GBE1: variants seen among roughly 807,000 people sequenced by gnomAD.
GBE1 encodes the protein 1,4-alpha-glucan branching enzyme 1.
A neutral mutation model predicts 88.8 loss-of-function variants in GBE1; 70 were observed. That is an observed-to-expected ratio of 0.79 (90% CI 0.65 to 0.96). The LOEUF is 0.96. Ranked by LOEUF, GBE1 falls within the 40% of genes least tolerant of loss-of-function variation. GBE1 has a pLI of 0.00. For synonymous variants in GBE1, 284 were observed against 300.1 expected, an observed-to-expected ratio of 0.95 and a Z score of 0.56; for missense variants, 872 against 871.0, an observed-to-expected ratio of 1.00 and a Z score of -0.01.
intron 1 of GBE1, among the ~76,000 whole-genome samples, chr3:81,757,233 C>T (rs113785875): frequency 2.0e-4 from 31 of 152,248 alleles, no homozygotes; most frequent in African/African-American, 6.5e-4. Context: ...TTATGGCCCT[C>T]TGGTTAGATG....
intron 2 of GBE1, among the ~76,000 whole-genome samples, chr3:81,690,213 A>T (rs1705500173): frequency 6.6e-6 from 1 of 152,192 alleles, no homozygotes; most frequent in South Asian, 2.1e-4. Context: ...AAGTGGACTT[A>T]AGTTCTCTGA....
intron 12 of GBE1, among the ~76,000 whole-genome samples, chr3:81,554,071 T>C (rs1419349207): frequency 6.6e-6 from 1 of 152,214 alleles, no homozygotes; most frequent in Non-Finnish European, 1.5e-5. Flanking sequence ...CAAATTTTCA[T>C]AGCAACAGTA....
intron 1 of GBE1, among the ~76,000 whole-genome samples, chr3:81,727,326 C>T (rs186306466): frequency 1.3e-5 from 2 of 152,208 alleles, no homozygotes; most frequent in Non-Finnish European, 1.5e-5. Context: ...ACTAATCTAC[C>T]ATGAGAAAGG....
intron 14 of GBE1, among the ~76,000 whole-genome samples, chr3:81,524,104 A>T (rs1039177628): frequency 2.0e-5 from 3 of 151,838 alleles, no homozygotes; most frequent in Non-Finnish European, 4.4e-5. Flanking sequence ...GTACTGATTG[A>T]CAACCCCACC....
intron 7 of GBE1, among the ~76,000 whole-genome samples, chr3:81,628,777 A>ATATATATATATATG (rs1553687067): frequency 7.5e-6 from 1 of 133,712 alleles, no homozygotes; most frequent in Admixed American, 8.1e-5. Context: ...ATATATATAT[A>ATATATATATATATG]TATATAGCAA....
intron 4 of GBE1, among the ~76,000 whole-genome samples, chr3:81,649,307 T>C (rs1704811937): frequency 6.6e-6 from 1 of 152,050 alleles, no homozygotes; most frequent in African/African-American, 2.4e-5. Flanking sequence ...AAAGTATATA[T>C]CAACAAACTC....
In GBE1 at chr3:81,725,090, G is replaced by A. The variant is rs973806874; in HGVS notation, c.144-19477C>T. Among the ~76,000 whole-genome samples the A allele has an allele frequency of 2.0e-5, 3 of 152,136 alleles. No homozygotes were observed. The East Asian group carries it at 5.8e-4, about 29-fold the overall frequency. ...CTTTTAAATGTCTGCTGGTAGACGT[G>A]TTGCTTCTGTACTCTACTAAAGGCT... On this transcript the variant is annotated intron_variant, in intron 1 of 15. Transcript: ENST00000429644.
chr3:81,696,362 TAAGA>T (rs1260456610), intron 2 of GBE1, among the ~76,000 whole-genome samples: 4 of 152,178 alleles, frequency 2.6e-5, no homozygotes, highest in Admixed American at 1.3e-4. Flanking sequence ...ACCTGTGGCA[TAAGA>T]AAGAAATTAT....
At chr3:81,689,823 T>C (rs1231376453) in intron 2 of GBE1, among the ~76,000 whole-genome samples, 1 of 152,122 alleles carries the variant, frequency 6.6e-6, no homozygotes. Flanking sequence ...TTAGTGTTGT[T>C]TGCAGTGGGG....
chr3:81,550,186 G>A (rs977410761), intron 12 of GBE1, among the ~76,000 whole-genome samples: 10 of 151,286 alleles, frequency 6.6e-5, no homozygotes, highest in Admixed American at 2.0e-4. Context: ...GGAATACATC[G>A]CTGTTTTACT....
intron 2 of GBE1, among the ~76,000 whole-genome samples, chr3:81,689,137 T>G (rs915620399): frequency 2.6e-5 from 4 of 152,196 alleles, no homozygotes; most frequent in Non-Finnish European, 5.9e-5. Context: ...TTGAATCACT[T>G]TTAAATGAAC....
intron 14 of GBE1, among the ~76,000 whole-genome samples, chr3:81,527,664 G>A (rs1233059242): frequency 6.6e-6 from 1 of 152,126 alleles, no homozygotes; most frequent in Admixed American, 6.5e-5. Flanking sequence ...AAACCACAAT[G>A]AGATACCATC....
At chr3:81,526,020 T>C (rs1446927593) in intron 14 of GBE1, among the ~76,000 whole-genome samples, 1 of 152,106 alleles carries the variant, frequency 6.6e-6, no homozygotes, top group Non-Finnish European at 1.5e-5. Context: ...GTTTTTTATG[T>C]CTCTAATTCC....
chr3:81,634,193 T>C (rs893166957), intron 7 of GBE1, among the ~76,000 whole-genome samples: 1 of 152,216 alleles, frequency 6.6e-6, no homozygotes, highest in African/African-American at 2.4e-5. Flanking sequence ...TCTGAAAGTA[T>C]AACTCCAAAC....
At chr3:81,650,318 C>T (rs1704827249) in intron 3 of GBE1, 1 of 165,178 alleles carries the variant, frequency 6.1e-6, no homozygotes, top group South Asian at 1.6e-4. Flanking sequence ...ATATAACCAT[C>T]TCTTTCATTT....
At chr3:81,582,074 G>T (rs1049182768) in intron 10 of GBE1, among the ~76,000 whole-genome samples, 1 of 151,886 alleles carries the variant, frequency 6.6e-6, no homozygotes, top group Admixed American at 6.6e-5. Flanking sequence ...TCCTCTGTTT[G>T]TCCTATAAAG....
intron 7 of GBE1, among the ~76,000 whole-genome samples, chr3:81,607,220 A>AACTATTG (rs1423230292): frequency 6.6e-6 from 1 of 152,186 alleles, no homozygotes; most frequent in Non-Finnish European, 1.5e-5. Context: ...ATGGGGGAAA[A>AACTATTG]ACTATTGTTT....
chr3:81,490,535 T>A (rs947149349), intron 15 of GBE1, 72 bp from the exon 16 acceptor site: 4 of 1,203,718 alleles, frequency 3.3e-6, no homozygotes, highest in Non-Finnish European at 4.9e-6. Flanking sequence ...CAAAGAAACA[T>A]AGGCATGACG....
At chr3:81,580,585 T>C (rs1177223274) in intron 11 of GBE1, among the ~76,000 whole-genome samples, 1 of 151,782 alleles carries the variant, frequency 6.6e-6, no homozygotes. Context: ...GAAACCGGCT[T>C]GAGCCAAAAT....
Sources: gnomAD v4.1 joint callset for allele counts (sites outside exome capture counted in the v4.1 genomes callset) on GRCh38, gnomAD v4.1.1 for gene constraint, MANE v1.5 for transcripts, NCBI Gene and HGNC (gene_info 2026-07-23, HGNC 2026-07-21) for gene names.